The following SPO11 variants were observed in gnomAD, a reference collection of about 807,000 sequenced individuals.
SPO11 encodes SPO11 initiator of meiotic double strand breaks, also known as meiotic recombination protein SPO11.
In SPO11, 49 loss-of-function variants were observed where a neutral mutation model predicts 51.6. The observed-to-expected ratio is 0.95, with a 90% confidence interval of 0.75 to 1.20. The LOEUF (loss-of-function observed/expected upper bound fraction) is 1.20, where lower values mean the gene tolerates loss of function less well. Among genes scored for constraint, SPO11 ranks in the 50% most tolerant of loss-of-function variants. The pLI is 0.00. For missense variants in SPO11, 431 were observed against 473.4 expected (o/e 0.91, Z 0.83); for synonymous variants, 176 against 158.2 (o/e 1.11, Z -0.84).
chr20:57,340,310 T>C, intron 11 of SPO11, 132 bp downstream of exon 11: 1 of 562,218 alleles, frequency 1.8e-6, no homozygotes, highest in Non-Finnish European at 3.1e-6. Flanking sequence ...TGACTTATGA[T>C]TATGTAATTA....
Position 57,343,648 on chromosome 20 carries a change from A to G in SPO11, c.*188A>G. 1 of 518,292 alleles carries G rather than the reference A, an allele frequency of 1.9e-6. No individual in the cohort carries two copies. Among genetic ancestry groups the G allele is most frequent in the Non-Finnish European group, 3.2e-6 (1 of 317,356 alleles). 32.1% of individuals were successfully genotyped at this position (518,292 alleles called of 1,614,324 possible). A position where few individuals can be genotyped will look rare whatever the true frequency, so the allele number is the denominator to read the frequency against. ...ACTCCAATTTTCTTTGCAAGGCCTT[A>G]TTCTTGCCTCTATAGAGACAGATTT... On this transcript the variant is annotated 3_prime_UTR_variant, in exon 13 of 13. Coordinates refer to ENST00000371263, the MANE Select transcript of SPO11 (RefSeq NM_012444.3).
chr20:57,338,664 C>T (rs892921772), intron 9 of SPO11, among the ~76,000 whole-genome samples: 2 of 151,902 alleles, frequency 1.3e-5, no homozygotes, highest in African/African-American at 2.4e-5. Context: ...AGGCTGGTCT[C>T]GAACTCCTGA....
At chr20:57,330,476 T>C (rs1487366515) in intron 1 of SPO11, among the ~76,000 whole-genome samples, 2 of 152,180 alleles carry the variant, frequency 1.3e-5, no homozygotes, top group Admixed American at 6.5e-5. Flanking sequence ...AACAAGGACA[T>C]CAACACATTT....
chr20:57,336,954 C>T (rs1169682461), intron 8 of SPO11, among the ~76,000 whole-genome samples: 1 of 152,128 alleles, frequency 6.6e-6, no homozygotes, highest in African/African-American at 2.4e-5. Flanking sequence ...TTTACCACGT[C>T]TCTATGGCTA....
chr20:57,341,664 T>C (rs1174788410), intron 11 of SPO11, among the ~76,000 whole-genome samples: 1 of 152,228 alleles, frequency 6.6e-6, no homozygotes, highest in Non-Finnish European at 1.5e-5. Flanking sequence ...TTCTTTATTT[T>C]TGAATATTCA....
In SPO11 at chr20:57,330,134, ATCCT is replaced by A; in HGVS notation, c.131+141_131+144del. ...GGGCCAGCCAGGAACCCCCAAAAAG[ATCCT>A]TCCTGAGTACCCGTGACCTGCTTTG... On this transcript the variant is annotated intron_variant, in intron 1 of 12. Coordinates refer to ENST00000371263, the MANE Select transcript of SPO11 (RefSeq NM_012444.3). 5 of 1,282,856 alleles carry A rather than the reference ATCCT, an allele frequency of 3.9e-6. No individual in the cohort carries two copies. The South Asian group carries it at 8.0e-5, about 20-fold the overall frequency. The allele number at this position is 1,282,856 out of a possible 1,614,324, so 79.5% of individuals were successfully genotyped here.
Position 57,335,413 on chromosome 20 carries a change from T to A in SPO11, c.598-6T>A, listed in dbSNP as rs759003934. 1.1e-4 allele frequency: 171 copies of A among 1,602,304 alleles called. No individual in the cohort carries two copies. In the Admixed American group the frequency reaches 1.8e-3, roughly 17 times the overall value. ...TTATGTAAGATAAAAACTTTTTTTT[T>A]AAAAGGCTGTTGCTGTGCCATCGAA... On this transcript the variant is annotated splice_polypyrimidine_tract_variant and splice_region_variant and intron_variant, in intron 6 of 12. Transcript: ENST00000371263.
Position 57,333,192 on chromosome 20 carries a change from G to T in SPO11, c.250G>T (p.Glu84Ter), listed in dbSNP as rs1259599819. ...TTGCTTTAAACAAAATGACAGGTTT[G>T]AAGATTCTGTGGGTCTTCAGATGGT... ...NRSSWENIKF[E>*]DSVGLQMVSH... Residue 84 changes from glutamate (E) to a stop codon, truncating the protein, a stop_gained, in exon 3 of 13, where the codon GAA becomes TAA. Transcript: ENST00000371263. LOFTEE classifies it high-confidence loss of function. The T allele has an allele frequency of 6.3e-7, 1 of 1,599,112 alleles. No homozygotes were observed. The highest frequency in any genetic ancestry group is 2.2e-5 in the East Asian group (1 of 44,508).
In SPO11 at chr20:57,339,991, G is replaced by T. The variant is rs895316651; in HGVS notation, c.883-111G>T. On this transcript the variant is annotated intron_variant, in intron 10 of 12. Transcript: ENST00000371263. ...CTTCTGTGGGCTCTGGGCATGTGAA[G>T]CCAGCTTTAGTACTTGTCCTTCTTA... The T allele has an allele frequency of 2.4e-5, 17 of 712,910 alleles. 1 individual carries two copies. In the Admixed American group the frequency reaches 3.7e-4, roughly 15 times the overall value. 44.2% of individuals were successfully genotyped at this position (712,910 alleles called of 1,614,324 possible).
rs574779203 is a variant in SPO11, at chr20:57,334,194, G to A, written c.510+99G>A. The A allele has an allele frequency of 3.5e-3, 1,488 of 423,258 alleles. 6 individuals carry two copies. The highest frequency in any genetic ancestry group is 4.1e-3 in the South Asian group (76 of 18,498). The allele number at this position is 423,258 out of a possible 1,614,324, so 26.2% of individuals were successfully genotyped here. ...TTTTGAGACGGAGTCTTGCTCTGTCGCCTAGGCTGGAGTGCAGTGGCGCGA... is the reference window on the plus strand; with the variant it reads ...TTTTGAGACGGAGTCTTGCTCTGTCACCTAGGCTGGAGTGCAGTGGCGCGA... On this transcript the variant is annotated intron_variant, in intron 5 of 12. Transcript: ENST00000371263.
intron 3 of SPO11, 92 bp downstream of exon 3, chr20:57,333,368 C>A: frequency 1.1e-6 from 1 of 907,778 alleles, no homozygotes; most frequent in Non-Finnish European, 1.7e-6. Context: ...ATAATTTTAC[C>A]TGTTTTTAAT....
Position 57,329,986 on chromosome 20 carries a change from G to A in SPO11, c.119G>A (p.Arg40His), listed in dbSNP as rs760128185. The change falls in exon 1 of 13, where the codon CGC (arginine) becomes CAC (histidine). Residue 40 changes from arginine to histidine, a missense_variant. Physicochemically the swap from Arg to His is conservative, Grantham distance 29. This residue lies in a region of SPO11 where 405 missense variants were observed against 425.9 expected (regional missense o/e 0.95). Coordinates refer to ENST00000371263, the MANE Select transcript of SPO11 (RefSeq NM_012444.3). ...GGREPPTGGS[R>H]LASSSEVLAS... ...AGGGAGCCCCCAACTGGGGGAAGCC[G>A]CCTGGCCTCCAGGTACAGGAGCTGG... 1.2e-6 allele frequency: 2 copies of A among 1,601,332 alleles called. No individual in the cohort carries two copies. The highest frequency in any genetic ancestry group is 2.2e-5 in the South Asian group (2 of 89,956).
chr20:57,337,398 T>C (rs2066525154), intron 8 of SPO11, among the ~76,000 whole-genome samples: 1 of 152,196 alleles, frequency 6.6e-6, no homozygotes, highest in Non-Finnish European at 1.5e-5. Context: ...TCTCATATGT[T>C]GTTACAGAGC....
chr20:57,333,120 GTA>G (rs1266647944), intron 2 of SPO11, 66 bp from the exon 3 acceptor site: 35 of 1,130,794 alleles, frequency 3.1e-5, no homozygotes, highest in Middle Eastern at 2.2e-4. Flanking sequence ...AAGACCATAA[GTA>G]TATATTGTTT....
Position 57,334,758 on chromosome 20 carries a change from A to C in SPO11, c.519A>C (p.Thr173=). Residue 173 remains threonine, a synonymous_variant, in exon 6 of 13, where the codon ACA becomes ACC. Transcript: ENST00000371263. ...TCTATTATTTTTTGCAGTTATCTACATCAAAAGGTTTAATTGCTGGCAACT... is the reference window on the plus strand; with the variant it reads ...TCTATTATTTTTTGCAGTTATCTACCTCAAAAGGTTTAATTGCTGGCAACT... ...VSRRSLHILS[T]SKGLIAGNLR... 6.2e-7 allele frequency: 1 copy of C among 1,613,442 alleles called. No homozygotes were observed. The highest frequency in any genetic ancestry group is 2.2e-5 in the East Asian group (1 of 44,816).
At chr20:57,334,550 T>G (rs1283337166) in intron 5 of SPO11, among the ~76,000 whole-genome samples, 200 bp from the exon 6 acceptor site, 1 of 152,236 alleles carries the variant, frequency 6.6e-6, no homozygotes, top group Non-Finnish European at 1.5e-5. Flanking sequence ...TCTCAATATA[T>G]TCCTTTGGGT....
intron 11 of SPO11, 80 bp downstream of exon 11, chr20:57,340,258 C>A (rs763248059): frequency 7.1e-6 from 6 of 844,992 alleles, no homozygotes; most frequent in African/African-American, 3.4e-5. Flanking sequence ...AAAGTCACTA[C>A]AAGGGAAAGC....
At chr20:57,333,621 T>G in intron 3 of SPO11, 66 bp from the exon 4 acceptor site, 1 of 862,902 alleles carries the variant, frequency 1.2e-6, no homozygotes, top group Non-Finnish European at 1.9e-6. Flanking sequence ...AAATCCTTGA[T>G]AGCAGTATCT....
intron 3 of SPO11, among the ~76,000 whole-genome samples, 177 bp from the exon 4 acceptor site, chr20:57,333,510 A>G (rs748047424): frequency 6.6e-6 from 1 of 152,242 alleles, no homozygotes; most frequent in African/African-American, 2.4e-5. Context: ...TTTGCTATCC[A>G]TAGAGCAATT....
Sources: gnomAD v4.1 joint callset for allele counts (sites outside exome capture counted in the v4.1 genomes callset) on GRCh38, gnomAD v4.1.1 for gene constraint, gnomAD v4.1.1 regional missense constraint, MANE v1.5 for transcripts, NCBI Gene and HGNC (gene_info 2026-07-23, HGNC 2026-07-21) for gene names.